ZFPM2: variants seen among roughly 807,000 people sequenced by gnomAD.
The protein encoded by ZFPM2 is zinc finger protein ZFPM2.
Under a neutral mutation model 98.6 loss-of-function variants are expected in ZFPM2, and 20 were observed. The ratio of observed to expected loss-of-function variants is 0.20; its 90% CI spans 0.14 to 0.29. The LOEUF is 0.29. Ranked by LOEUF, ZFPM2 falls within the 10% of genes least tolerant of loss-of-function variation. ZFPM2 has a pLI of 1.00. For missense variants in ZFPM2, 1,310 were observed against 1,388.6 expected, an observed-to-expected ratio of 0.94 and a Z score of 0.90; for synonymous variants, 518 against 502.7, an observed-to-expected ratio of 1.03 and a Z score of -0.41.
intron 5 of ZFPM2, among the ~76,000 whole-genome samples, chr8:105,725,715 A>G (rs781619669): frequency 7.9e-5 from 12 of 151,708 alleles, no homozygotes; most frequent in African/African-American, 2.2e-4. Flanking sequence ...AGCATTTTAT[A>G]TATTGTGTAT....
At position 105,320,256 on chromosome 8, in the gene ZFPM2, TTGTGTG is replaced by T. The variant is rs71305141; in HGVS notation, c.40+1313_40+1318del. 4.7e-3 allele frequency among the ~76,000 whole-genome samples: 664 copies of T among 142,328 alleles called. 2 individuals carry two copies. Among genetic ancestry groups the T allele is most frequent in the African/African-American group, 0.011 (403 of 38,224 alleles). 93.4% of individuals were successfully genotyped at this position (142,328 alleles called of 152,430 possible). ...TATCAACAGTTAAGTATTCAGATCTTTGTGTGTGTGTGTGTGTGTGTGTGTGTGTGT... is the reference window on the plus strand; with the variant it reads ...TATCAACAGTTAAGTATTCAGATCTTTGTGTGTGTGTGTGTGTGTGTGTGT... On this transcript the variant is annotated intron_variant, in intron 1 of 7. Transcript: ENST00000407775.
chr8:105,748,223 A>G (rs1363085968), intron 5 of ZFPM2, among the ~76,000 whole-genome samples: 1 of 152,088 alleles, frequency 6.6e-6, no homozygotes, highest in African/African-American at 2.4e-5. Flanking sequence ...GTGCTTAATC[A>G]GTTTATCTAC....
intron 3 of ZFPM2, among the ~76,000 whole-genome samples, chr8:105,473,062 T>C (rs1296015633): frequency 6.6e-6 from 1 of 151,870 alleles, no homozygotes; most frequent in Non-Finnish European, 1.5e-5. Context: ...GCCTAGATGA[T>C]TTTTTATTTT....
At chr8:105,371,000 G>T (rs550095172) in intron 1 of ZFPM2, among the ~76,000 whole-genome samples, 1 of 152,118 alleles carries the variant, frequency 6.6e-6, no homozygotes, top group African/African-American at 2.4e-5. Context: ...TTAAAATATT[G>T]GGTGCTACTG....
At chr8:105,723,615 G>C (rs1379816854) in intron 5 of ZFPM2, among the ~76,000 whole-genome samples, 1 of 151,774 alleles carries the variant, frequency 6.6e-6, no homozygotes, top group South Asian at 2.1e-4. Context: ...AGAAAAAAAG[G>C]GTTCTCATTG....
rs189774809 is a variant in ZFPM2, at chr8:105,734,124, T to C, written c.533-54594T>C. On this transcript the variant is annotated intron_variant, in intron 5 of 7. Transcript: ENST00000407775. ...CCACACAGCTCCATGTCATATGACA[T>C]TTTGGCTTCCATAGACTTGTGTTTA... 2.6e-5 allele frequency among the ~76,000 whole-genome samples: 4 copies of C among 152,050 alleles called. No homozygotes were observed. The East Asian group carries it at 5.8e-4, about 22-fold the overall frequency.
chr8:105,577,966 A>T (rs1360843440), intron 4 of ZFPM2, among the ~76,000 whole-genome samples: 1 of 152,044 alleles, frequency 6.6e-6, no homozygotes, highest in Non-Finnish European at 1.5e-5. Context: ...AAACAATTTA[A>T]TTGAATTAGG....
intron 5 of ZFPM2, among the ~76,000 whole-genome samples, chr8:105,704,409 TTGGTA>T (rs1811210230): frequency 6.6e-6 from 1 of 152,164 alleles, no homozygotes; most frequent in Non-Finnish European, 1.5e-5. Flanking sequence ...TCTGATTGAT[TTGGTA>T]TCTTACATTT....
chr8:105,454,846 C>G (rs985711948), intron 3 of ZFPM2, among the ~76,000 whole-genome samples: 31 of 152,146 alleles, frequency 2.0e-4, no homozygotes, highest in African/African-American at 7.5e-4. Context: ...CCAAAAGTGA[C>G]TAAGACCTCA....
intron 1 of ZFPM2, among the ~76,000 whole-genome samples, chr8:105,385,906 T>C (rs1159907925): frequency 5.9e-5 from 9 of 152,186 alleles, no homozygotes; most frequent in Non-Finnish European, 1.2e-4. Context: ...ATATGGGTTC[T>C]GAGGTCAGAA....
intron 3 of ZFPM2, among the ~76,000 whole-genome samples, chr8:105,482,134 T>C (rs1366161691): frequency 3.3e-5 from 5 of 152,250 alleles, no homozygotes; most frequent in Non-Finnish European, 7.3e-5. Flanking sequence ...AGCTTTTCTC[T>C]TGTAATTCAC....
chr8:105,547,986 GT>G (rs139498098), intron 3 of ZFPM2, among the ~76,000 whole-genome samples: 34 of 148,616 alleles, frequency 2.3e-4, no homozygotes, highest in Non-Finnish European at 3.6e-4. Flanking sequence ...TGAAGTTTTG[GT>G]TTTTTTTTTA....
At chr8:105,605,607 A>G (rs1212679114) in intron 4 of ZFPM2, among the ~76,000 whole-genome samples, 1 of 152,112 alleles carries the variant, frequency 6.6e-6, no homozygotes, top group Non-Finnish European at 1.5e-5. Flanking sequence ...TGGAAAAAGT[A>G]TATTTTAGTA....
At chr8:105,378,365 A>G (rs1388544287) in intron 1 of ZFPM2, among the ~76,000 whole-genome samples, 1 of 152,136 alleles carries the variant, frequency 6.6e-6, no homozygotes, top group Non-Finnish European at 1.5e-5. Flanking sequence ...AACTTACGAT[A>G]TTTCCAACCC....
At chr8:105,393,271 T>C (rs1293797000) in intron 1 of ZFPM2, among the ~76,000 whole-genome samples, 5 of 152,104 alleles carry the variant, frequency 3.3e-5, no homozygotes, top group African/African-American at 7.3e-5. Flanking sequence ...TGTGCTATAC[T>C]GAAGAAATTA....
At chr8:105,377,528 G>A (rs141693967) in intron 1 of ZFPM2, among the ~76,000 whole-genome samples, 3,001 of 148,262 alleles carry the variant, frequency 0.02, 88 homozygotes, top group African/African-American at 0.071. Flanking sequence ...TTGGGAGGCC[G>A]AGGTGGAAGG....
At chr8:105,551,313 T>A (rs1814846955) in intron 3 of ZFPM2, among the ~76,000 whole-genome samples, 1 of 152,190 alleles carries the variant, frequency 6.6e-6, no homozygotes. Flanking sequence ...TTATTTGAAG[T>A]GTGCTGGCAG....
intron 4 of ZFPM2, among the ~76,000 whole-genome samples, chr8:105,621,805 GA>G (rs1420583589): frequency 6.6e-6 from 1 of 151,956 alleles, no homozygotes; most frequent in African/African-American, 2.4e-5. Flanking sequence ...AATGAATAAT[GA>G]ATATCCTTAA....
intron 4 of ZFPM2, among the ~76,000 whole-genome samples, chr8:105,569,011 T>G (rs1330751702): frequency 6.6e-6 from 1 of 151,410 alleles, no homozygotes; most frequent in African/African-American, 2.4e-5. Context: ...TTCATCTCAC[T>G]AAGTCCAATA....
Sources: allele counts gnomAD v4.1 joint callset (sites outside exome capture counted in the v4.1 genomes callset), GRCh38; gene constraint gnomAD v4.1.1; transcripts MANE v1.5; gene names NCBI Gene and HGNC (gene_info 2026-07-23, HGNC 2026-07-21).